The following PPP1R14C variants were observed in gnomAD, a reference collection of about 807,000 sequenced individuals.
PPP1R14C encodes the protein protein phosphatase 1 regulatory inhibitor subunit 14C, also known as protein phosphatase 1 regulatory subunit 14C.
Under a neutral mutation model 20.4 loss-of-function variants are expected in PPP1R14C, and 16 were observed. The ratio of observed to expected loss-of-function variants is 0.78; its 90% CI spans 0.53 to 1.19. The LOEUF is 1.19. Ranked by LOEUF, PPP1R14C falls within the 50% of genes most tolerant of loss-of-function variation. The pLI is 0.00. For missense variants in PPP1R14C, 211 were observed against 220.1 expected (o/e 0.96, Z 0.26); for synonymous variants, 91 against 91.0 (o/e 1.00, Z 0.00).
chr6:150,245,740 T>C (rs909115197), intron 3 of PPP1R14C, among the ~76,000 whole-genome samples: 2 of 152,218 alleles, frequency 1.3e-5, no homozygotes, highest in Admixed American at 6.5e-5. Context: ...CCAAGAGCCA[T>C]CAAAGTATTC....
chr6:150,186,047 C>T (rs1195196409), intron 1 of PPP1R14C, among the ~76,000 whole-genome samples: 5 of 152,120 alleles, frequency 3.3e-5, no homozygotes, highest in African/African-American at 1.2e-4. Context: ...AAGGAGGCCA[C>T]CAGAATATTC....
At chr6:150,186,781 G>A (rs1397381240) in intron 1 of PPP1R14C, among the ~76,000 whole-genome samples, 1 of 152,082 alleles carries the variant, frequency 6.6e-6, no homozygotes, top group Non-Finnish European at 1.5e-5. Flanking sequence ...AAGAAAGGGG[G>A]AGAAAGTTCA....
Position 150,248,993 on chromosome 6 carries a change from C to A in PPP1R14C, c.*173C>A. The A allele has an allele frequency of 2.2e-6, 1 of 445,138 alleles. No homozygotes were observed. The highest frequency in any genetic ancestry group is 3.9e-6 in the Non-Finnish European group (1 of 254,656). The allele number at this position is 445,138 out of a possible 1,614,324, so 27.6% of individuals were successfully genotyped here. A position where few individuals can be genotyped will look rare whatever the true frequency, so the allele number is the denominator to read the frequency against. ...TATTAGACATTTATTCAAGAGCGTT[C>A]TTTTTTTGGTTTTAAAGGTTTTTGT... On this transcript the variant is annotated 3_prime_UTR_variant, in exon 4 of 4. Coordinates refer to ENST00000361131, the MANE Select transcript of PPP1R14C (RefSeq NM_030949.3).
At chr6:150,146,396 A>G (rs916511351) in intron 1 of PPP1R14C, among the ~76,000 whole-genome samples, 2 of 152,214 alleles carry the variant, frequency 1.3e-5, no homozygotes, top group Middle Eastern at 3.2e-3. Flanking sequence ...TATGAGTTAA[A>G]CTAACAACAT....
At position 150,201,041 on chromosome 6, in the gene PPP1R14C, T is replaced by C. The variant is rs938879524; in HGVS notation, c.307-13703T>C. 2.6e-5 allele frequency among the ~76,000 whole-genome samples: 4 copies of C among 152,164 alleles called. No homozygotes were observed. The highest frequency in any genetic ancestry group is 5.9e-5 in the Non-Finnish European group (4 of 68,028). ...CCTGAAAGGCACATAGCACAAGTTGTAGGGGCCATACATTTTGAGGTCAGA... is the reference window on the plus strand; with the variant it reads ...CCTGAAAGGCACATAGCACAAGTTGCAGGGGCCATACATTTTGAGGTCAGA... On this transcript the variant is annotated intron_variant, in intron 1 of 3. Transcript: ENST00000361131. The surrounding 1 kb of genome is among the most constrained non-coding windows in gnomAD (Gnocchi z 4.2).
chr6:150,171,411 A>G (rs987093228), intron 1 of PPP1R14C, among the ~76,000 whole-genome samples: 2 of 152,224 alleles, frequency 1.3e-5, no homozygotes, highest in Non-Finnish European at 2.9e-5. Flanking sequence ...CTCTTTTATA[A>G]GGAGAATCCC....
intron 1 of PPP1R14C, among the ~76,000 whole-genome samples, chr6:150,152,119 C>CAAAAA (rs577869928): frequency 2.0e-4 from 17 of 84,992 alleles, no homozygotes; most frequent in South Asian, 1.9e-3. Flanking sequence ...GACTCCGTCT[C>CAAAAA]AAAAAAAAAA....
chr6:150,175,141 G>A (rs979241600), intron 1 of PPP1R14C, among the ~76,000 whole-genome samples: 1 of 152,168 alleles, frequency 6.6e-6, no homozygotes, highest in Non-Finnish European at 1.5e-5. Flanking sequence ...TGCTTATTAT[G>A]TGCTGGGCTG....
chr6:150,163,434 A>G (rs192066360), intron 1 of PPP1R14C, among the ~76,000 whole-genome samples: 3 of 152,284 alleles, frequency 2.0e-5, no homozygotes, highest in East Asian at 3.9e-4. Context: ...GTAGTATAAC[A>G]TACAAAGTAC....
intron 1 of PPP1R14C, among the ~76,000 whole-genome samples, chr6:150,186,998 G>A (rs900088297): frequency 7.3e-5 from 11 of 150,882 alleles, no homozygotes; most frequent in African/African-American, 1.5e-4. Flanking sequence ...TTTTTGAGAC[G>A]GAGTTTCACT....
chr6:150,242,586 A>G (rs146232874), intron 3 of PPP1R14C, among the ~76,000 whole-genome samples: 1 of 152,348 alleles, frequency 6.6e-6, no homozygotes, highest in African/African-American at 2.4e-5. Context: ...ATATCTGCAA[A>G]AAACCTACAG....
At chr6:150,167,894 T>C (rs1383887254) in intron 1 of PPP1R14C, among the ~76,000 whole-genome samples, 1 of 42,266 alleles carries the variant, frequency 2.4e-5, no homozygotes, top group Admixed American at 2.9e-4. Context: ...CTTGTTTTCC[T>C]TGGGATACTA....
At chr6:150,168,797 A>C (rs1777466262) in intron 1 of PPP1R14C, among the ~76,000 whole-genome samples, 1 of 152,200 alleles carries the variant, frequency 6.6e-6, no homozygotes, top group Non-Finnish European at 1.5e-5. Flanking sequence ...CTTCTTATAC[A>C]ATTATATAAT....
chr6:150,194,881 C>G (rs2114891033), intron 1 of PPP1R14C: 1 of 985,308 alleles, frequency 1.0e-6, no homozygotes, highest in Non-Finnish European at 1.2e-6. Context: ...ATTATTGACA[C>G]TGATTTAAAG....
Position 150,173,820 on chromosome 6 carries a change from T to C in PPP1R14C, c.306+30322T>C, listed in dbSNP as rs185750518. Among the ~76,000 whole-genome samples, 4 of 152,094 alleles carry C rather than the reference T, an allele frequency of 2.6e-5. No homozygotes were observed. In the East Asian group the frequency reaches 7.8e-4, roughly 29 times the overall value. ...GAGCCCAAGACTGCAGACCTGAGGC[T>C]CCTAAGCACCCCAATCTCTCATCTC... On this transcript the variant is annotated intron_variant, in intron 1 of 3. Coordinates refer to ENST00000361131, the MANE Select transcript of PPP1R14C (RefSeq NM_030949.3).
At chr6:150,242,905 AT>A (rs1227025959) in intron 3 of PPP1R14C, among the ~76,000 whole-genome samples, 11 of 152,338 alleles carry the variant, frequency 7.2e-5, no homozygotes, top group Non-Finnish European at 1.5e-5. Flanking sequence ...ACCAGCAACA[AT>A]TGGAAATAAA....
rs183670501 is a variant in PPP1R14C, at chr6:150,222,387, C to G, written c.423+5531C>G. On this transcript the variant is annotated intron_variant, in intron 3 of 3. Coordinates refer to ENST00000361131, the MANE Select transcript of PPP1R14C (RefSeq NM_030949.3). ...CCACCTCACACATGTACACAGCCTC[C>G]CCAATTGTCACCATCTCCTCACAGA... 2.0e-4 allele frequency among the ~76,000 whole-genome samples: 30 copies of G among 152,256 alleles called. 1 individual carries two copies. The highest frequency in any genetic ancestry group is 9.2e-4 in the Admixed American group (14 of 15,292).
intron 3 of PPP1R14C, among the ~76,000 whole-genome samples, chr6:150,231,510 C>T (rs1355621441): frequency 6.6e-6 from 1 of 152,218 alleles, no homozygotes; most frequent in East Asian, 1.9e-4. Context: ...TTAAAGATTT[C>T]AGTGTCTCCT....
chr6:150,172,667 T>C (rs1777512632), intron 1 of PPP1R14C, among the ~76,000 whole-genome samples: 1 of 152,154 alleles, frequency 6.6e-6, no homozygotes, highest in East Asian at 1.9e-4. Context: ...GAAAATGAAG[T>C]TCTTTGGAAG....
Sources: allele counts gnomAD v4.1 joint callset (sites outside exome capture counted in the v4.1 genomes callset), GRCh38; gene constraint gnomAD v4.1.1; non-coding constraint Gnocchi (gnomAD v3.1); transcripts MANE v1.5; gene names NCBI Gene and HGNC (gene_info 2026-07-23, HGNC 2026-07-21).